The following CASK variants were observed in gnomAD, a reference collection of about 807,000 sequenced individuals.
CASK encodes the protein peripheral plasma membrane protein CASK.
In CASK, 4 loss-of-function variants were observed where a neutral mutation model predicts 82.9. That is an observed-to-expected ratio of 0.05 (90% CI 0.02 to 0.11). CASK has a LOEUF of 0.11. CASK is among the 10% of genes least tolerant of loss of function. The pLI, the probability that CASK is intolerant of heterozygous loss-of-function variation, is 1.00. For synonymous variants in CASK, 259 were observed against 253.5 expected, an observed-to-expected ratio of 1.02 and a Z score of -0.20; for missense variants, 358 against 720.9, an observed-to-expected ratio of 0.50 and a Z score of 5.76.
intron 2 of CASK, among the ~76,000 whole-genome samples, chrX:41,839,757 A>C (rs1206095925): frequency 8.9e-6 from 1 of 111,847 alleles, no homozygotes; most frequent in Non-Finnish European, 1.9e-5. Flanking sequence ...ACTTATTGGA[A>C]AAATGTAAGG....
intron 1 of CASK, among the ~76,000 whole-genome samples, chrX:41,909,779 A>C (rs2072530543): frequency 1.8e-5 from 2 of 111,520 alleles, no homozygotes; most frequent in Non-Finnish European, 3.8e-5. Context: ...TAATTTTATG[A>C]CATTTTTAGT....
Position 41,555,594 on chromosome X carries a change from A to G in CASK, c.1842+6T>C, listed in dbSNP as rs2147142062. 8.4e-7 allele frequency: 1 copy of G among 1,193,047 alleles called. No individual in the cohort carries two copies. Among genetic ancestry groups the G allele is most frequent in the Non-Finnish European group, 1.1e-6 (1 of 878,478 alleles). ...AGAGAAGTTTCTATAGAGGATATCT[A>G]TTCACCTGTCGTCCTTTTGGTTGGG... On this transcript the variant is annotated splice_donor_region_variant and intron_variant, in intron 20 of 26. Coordinates refer to ENST00000378163, the MANE Select transcript of CASK (RefSeq NM_001367721.1).
At chrX:41,529,515 A>G (rs897196517) in intron 25 of CASK, 2 of 114,267 alleles carry the variant, frequency 1.8e-5, no homozygotes, top group Non-Finnish European at 3.7e-5. Context: ...GCATACTGCT[A>G]GAGACATTAC....
chrX:41,687,262 C>T (rs2067458525), intron 5 of CASK, among the ~76,000 whole-genome samples: 1 of 112,480 alleles, frequency 8.9e-6, no homozygotes, highest in African/African-American at 3.2e-5. Context: ...CTCATGTTCA[C>T]TGCAGCATTA....
At chrX:41,704,146 T>G (rs911682390) in intron 5 of CASK, among the ~76,000 whole-genome samples, 16 of 111,317 alleles carry the variant, frequency 1.4e-4, no homozygotes, top group African/African-American at 4.6e-4. Flanking sequence ...GTTATTTATA[T>G]AGTTTGCAAA....
intron 7 of CASK, 41 bp downstream of exon 7, chrX:41,665,236 A>G (rs779413882): frequency 1.8e-6 from 2 of 1,099,101 alleles, no homozygotes; most frequent in Non-Finnish European, 2.5e-6. Flanking sequence ...TTCAGGATAA[A>G]TTAATCTCAA....
intron 1 of CASK, among the ~76,000 whole-genome samples, chrX:41,861,913 C>T (rs1383341055): frequency 1.0e-5 from 1 of 98,179 alleles, no homozygotes; most frequent in Non-Finnish European, 2.0e-5. Context: ...AGTATATATA[C>T]ATTATATGTA....
At chrX:41,770,274 A>ATCTG (rs1235942192) in intron 3 of CASK, among the ~76,000 whole-genome samples, 1 of 95,812 alleles carries the variant, frequency 1.0e-5, no homozygotes. Context: ...CTATCTATCT[A>ATCTG]TCTATCTATC....
chrX:41,911,696 A>C lies in CASK; in HGVS notation c.59+11234T>G, dbSNP rs753593692. On this transcript the variant is annotated intron_variant, in intron 1 of 26. Coordinates refer to ENST00000378163, the MANE Select transcript of CASK (RefSeq NM_001367721.1). Reference sequence around the variant, plus strand: ...TGAAATTTCACATTATGAACAATTAATTAATCTGTCAATTGTCTAAATGCA... The same window carrying C: ...TGAAATTTCACATTATGAACAATTACTTAATCTGTCAATTGTCTAAATGCA... Among the ~76,000 whole-genome samples, 6 of 112,032 alleles carry C rather than the reference A, an allele frequency of 5.4e-5. No homozygotes were observed. The East Asian group carries it at 1.7e-3, about 31-fold the overall frequency.
intron 26 of CASK, among the ~76,000 whole-genome samples, chrX:41,520,893 C>T (rs754032822): frequency 4.5e-5 from 5 of 112,271 alleles, no homozygotes; most frequent in African/African-American, 1.6e-4. Context: ...CTGTGCCTGT[C>T]CCCAGAGTCA....
intron 5 of CASK, among the ~76,000 whole-genome samples, chrX:41,672,910 T>C (rs927291535): frequency 8.9e-6 from 1 of 112,394 alleles, no homozygotes; most frequent in South Asian, 3.7e-4. Context: ...AGACTGCTGT[T>C]AGTTAGAACT....
intron 2 of CASK, among the ~76,000 whole-genome samples, chrX:41,828,326 G>A (rs370043433): frequency 1.4e-4 from 16 of 111,413 alleles, no homozygotes; most frequent in African/African-American, 4.2e-4. Flanking sequence ...TGCAAGAGAT[G>A]GGTATTTTCA....
chrX:41,680,015 G>C (rs1226366550), intron 5 of CASK, among the ~76,000 whole-genome samples: 1 of 111,202 alleles, frequency 9.0e-6, no homozygotes, highest in Non-Finnish European at 1.9e-5. Flanking sequence ...TTCAAGACCA[G>C]CCCGGCCAAC....
chrX:41,668,678 C>T (rs918409871), intron 6 of CASK, among the ~76,000 whole-genome samples: 1 of 111,018 alleles, frequency 9.0e-6, no homozygotes, highest in Non-Finnish European at 1.9e-5. Context: ...ACTGGGATTT[C>T]AAACTGACAG....
intron 3 of CASK, among the ~76,000 whole-genome samples, chrX:41,783,032 C>T (rs749214746): frequency 6.9e-4 from 76 of 109,729 alleles, no homozygotes; most frequent in African/African-American, 2.4e-3. Flanking sequence ...GTAGTCCCAG[C>T]TACATGGGAA....
intron 2 of CASK, among the ~76,000 whole-genome samples, chrX:41,793,289 C>A (rs200784863): frequency 8.9e-6 from 1 of 111,827 alleles, no homozygotes; most frequent in East Asian, 2.8e-4. Context: ...AGGTCCAGGG[C>A]TCAATGATAT....
chrX:41,691,943 T>C (rs2067574342), intron 5 of CASK, among the ~76,000 whole-genome samples: 1 of 108,276 alleles, frequency 9.2e-6, no homozygotes, highest in Non-Finnish European at 1.9e-5. Context: ...TAGAGACAGG[T>C]TCATGCTATG....
rs775929303 is a variant in CASK at position 41,676,035 on chromosome X, C to T, written c.430-4505G>A. ...GGTTGCATTTCCTTTTTGCTGATTT[C>T]AAAAGCTTCTTGGTATGCTTGTTGT... On this transcript the variant is annotated intron_variant, in intron 5 of 26. Coordinates refer to ENST00000378163, the MANE Select transcript of CASK (RefSeq NM_001367721.1). 6.6e-6 allele frequency: 8 copies of T among 1,205,448 alleles called. No individual in the cohort carries two copies. In the South Asian group the frequency reaches 1.4e-4, roughly 21 times the overall value.
At chrX:41,715,618 G>A (rs1163220578) in intron 5 of CASK, among the ~76,000 whole-genome samples, 1 of 99,990 alleles carries the variant, frequency 1.0e-5, no homozygotes, top group Non-Finnish European at 2.0e-5. Flanking sequence ...GCAAAACTCT[G>A]ACTTGAAAAA....
Sources: gnomAD v4.1 joint callset for allele counts (sites outside exome capture counted in the v4.1 genomes callset) on GRCh38, gnomAD v4.1.1 for gene constraint, MANE v1.5 for transcripts, NCBI Gene and HGNC (gene_info 2026-07-23, HGNC 2026-07-21) for gene names.